LINS1: variants seen among roughly 807,000 people sequenced by gnomAD.
LINS1 encodes protein Lines homolog 1.
In LINS1, 27 loss-of-function variants were observed where a neutral mutation model predicts 41.6. The ratio of observed to expected loss-of-function variants is 0.65; its 90% CI spans 0.48 to 0.89. The LOEUF (loss-of-function observed/expected upper bound fraction) is 0.89, where lower values mean the gene tolerates loss of function less well. Among genes scored for constraint, LINS1 ranks in the 40% least tolerant of loss-of-function variants. LINS1 has a pLI of 0.00. For synonymous variants in LINS1, 336 were observed against 312.9 expected (o/e 1.07, Z -0.78); for missense variants, 955 against 884.1 (o/e 1.08, Z -1.02).
At chr15:100,581,047 G>T (rs2038518404) in intron 1 of LINS1, 102 bp from the exon 2 acceptor site, 1 of 499,224 alleles carries the variant, frequency 2.0e-6, no homozygotes. Flanking sequence ...AGTTAAAGGG[G>T]ATGCTGACTG....
At chr15:100,579,832 A>G (rs1249928588) in intron 3 of LINS1, among the ~76,000 whole-genome samples, 1 of 152,174 alleles carries the variant, frequency 6.6e-6, no homozygotes. Context: ...GGGTCCACCT[A>G]CTAGTTCGAG....
intron 1 of LINS1, among the ~76,000 whole-genome samples, chr15:100,596,501 T>C (rs2039251041): frequency 6.6e-6 from 1 of 152,246 alleles, no homozygotes; most frequent in African/African-American, 2.4e-5. Context: ...AAAGACTTAA[T>C]GCTTAAATGC....
chr15:100,573,885 C>T lies in LINS1; in HGVS notation c.988G>A (p.Val330Ile), dbSNP rs760443699. 1 of 1,614,262 alleles carries T rather than the reference C, an allele frequency of 6.2e-7. No homozygotes were observed. The highest frequency in any genetic ancestry group is 8.5e-7 in the Non-Finnish European group (1 of 1,180,046). Reference protein sequence around the residue: ...VPALMPPDHHVAVDMLALANA... With the variant: ...VPALMPPDHHIAVDMLALANA... ...GCTAAAGCCAGCATGTCCACCGCTA[C>T]ATGATGGTCTGGCGGCATTAAGGCA... is the stretch of plus-strand genomic sequence containing the variant. The change falls in exon 5 of 7, where the codon GTA (valine) becomes ATA (isoleucine). Residue 330 changes from valine (V) to isoleucine (I), a missense_variant. By Grantham distance (29) the Val-to-Ile change is conservative (BLOSUM62 3). Coordinates refer to ENST00000314742, the MANE Select transcript of LINS1 (RefSeq NM_001040616.3).
At chr15:100,594,546 A>G (rs1307607102) in intron 1 of LINS1, among the ~76,000 whole-genome samples, 2 of 152,206 alleles carry the variant, frequency 1.3e-5, no homozygotes, top group African/African-American at 4.8e-5. Flanking sequence ...ACAGATGCCC[A>G]AGTCCCATAT....
rs571344435 is a variant in LINS1, at chr15:100,592,156, G to A, written c.-104+9965C>T. 1.6e-3 allele frequency among the ~76,000 whole-genome samples: 238 copies of A among 152,304 alleles called. 3 individuals are homozygous for A. The highest frequency in any genetic ancestry group is 0.01 in the Middle Eastern group (3 of 294). Reference sequence around the variant, plus strand: ...TGTAAACCTCAGAAAATTCTGTAACGGGGCTCTTGAGCCCCTATGCTTGGC... The same window carrying A: ...TGTAAACCTCAGAAAATTCTGTAACAGGGCTCTTGAGCCCCTATGCTTGGC... On this transcript the variant is annotated intron_variant, in intron 1 of 6. Transcript: ENST00000314742.
In LINS1 at chr15:100,580,292, A is replaced by G. The variant is rs145762498; in HGVS notation, c.460T>C (p.Leu154=). 6.1e-5 allele frequency: 99 copies of G among 1,611,792 alleles called. No homozygotes were observed. The African/African-American group carries it at 1.2e-3, about 20-fold the overall frequency. The change falls in exon 3 of 7, where the codon TTG becomes CTG. Residue 154 remains leucine, a synonymous_variant. Coordinates refer to ENST00000314742, the MANE Select transcript of LINS1 (RefSeq NM_001040616.3). ...TCTCTCAATTGGAAATATAGAAGCA[A>G]TGCAAGGCACTGTGCAGCCATGTGA... ...LSHMAAQCLA[L]LLYFQLREKI... is the part of the protein sequence containing the mutation.
In LINS1 at chr15:100,571,912, A is replaced by C. The variant is rs770363148; in HGVS notation, c.1376T>G (p.Ile459Ser). ...CACTAACCTGGTCAGTGTTAAGTAG[A>C]TGCCCAGTGATGCCTTGGCAGCCTC... ...MLEAAKASLG[I>S]YLTLTRGCEA... The change falls in exon 6 of 7, where the codon ATC becomes AGC. Residue 459 changes from isoleucine (I) to serine (S), a missense_variant. Transcript: ENST00000314742. The C allele has an allele frequency of 1.9e-6, 3 of 1,614,224 alleles. No homozygotes were observed. Among genetic ancestry groups the C allele is most frequent in the Non-Finnish European group, 2.5e-6 (3 of 1,180,038 alleles).
At chr15:100,578,349 C>T (rs1205737518) in intron 3 of LINS1, among the ~76,000 whole-genome samples, 1 of 152,092 alleles carries the variant, frequency 6.6e-6, no homozygotes, top group East Asian at 1.9e-4. Context: ...ACAACCTCAT[C>T]AAAAAGTGGG....
chr15:100,598,120 C>T (rs1161458868), intron 1 of LINS1, among the ~76,000 whole-genome samples: 3 of 152,174 alleles, frequency 2.0e-5, no homozygotes, highest in East Asian at 3.9e-4. Flanking sequence ...TGTCTTCCAG[C>T]TCTGGTGCCC....
chr15:100,589,347 T>C (rs1177298529), intron 1 of LINS1, among the ~76,000 whole-genome samples: 2 of 152,224 alleles, frequency 1.3e-5, no homozygotes, highest in Non-Finnish European at 2.9e-5. Context: ...AAAATACTTT[T>C]TGTCAGATTT....
At chr15:100,597,321 C>T (rs767871896) in intron 1 of LINS1, among the ~76,000 whole-genome samples, 18 of 150,698 alleles carry the variant, frequency 1.2e-4, no homozygotes, top group African/African-American at 2.9e-4. Context: ...AGAATCATAA[C>T]GTGTTCATAC....
chr15:100,571,829 C>T (rs889564280), intron 6 of LINS1, 65 bp downstream of exon 6: 4 of 1,576,792 alleles, frequency 2.5e-6, no homozygotes, highest in Admixed American at 3.3e-5. Context: ...CCAGCACATT[C>T]TCAGAAATGT....
intron 1 of LINS1, among the ~76,000 whole-genome samples, chr15:100,597,334 G>GA (rs1242641233): frequency 1.3e-5 from 2 of 150,198 alleles, no homozygotes; most frequent in African/African-American, 2.5e-5. Context: ...GTTCATACTA[G>GA]AAAAAATCTC....
At position 100,573,687 on chromosome 15, in the gene LINS1, T is replaced by G. The variant is rs773371335; in HGVS notation, c.1186A>C (p.Lys396Gln). Residue 396 changes from lysine to glutamine, a missense_variant, in exon 5 of 7, where the codon AAG becomes CAG. Physicochemically the swap from Lys to Gln is moderately conservative, Grantham distance 53. Transcript: ENST00000314742. ...SLVIMKSLEI[K>Q]FQNYSSASEV... ...CTTGCTGAAGAATAATTTTGAAACT[T>G]GATTTCTAAGGATTTCATTATAACT... The G allele has an allele frequency of 6.2e-7, 1 of 1,610,264 alleles. No individual in the cohort carries two copies.
At position 100,568,273 on chromosome 15, in the gene LINS1, G is replaced by A. The variant is rs1284016923; in HGVS notation, c.*965C>T. ...TGTGTAAATACCCCAGAAGGAAATA[G>A]TAACTGTATTTGGTTAGTGACTCTC... On this transcript the variant is annotated 3_prime_UTR_variant, in exon 7 of 7. Transcript: ENST00000314742. 1.3e-5 allele frequency: 2 copies of A among 152,172 alleles called. No homozygotes were observed. Among genetic ancestry groups the A allele is most frequent in the Non-Finnish European group, 2.9e-5 (2 of 68,044 alleles). The allele number at this position is 152,172 out of a possible 1,614,324, so 9.4% of individuals were successfully genotyped here.
At chr15:100,596,613 C>T (rs1289297083) in intron 1 of LINS1, among the ~76,000 whole-genome samples, 1 of 152,178 alleles carries the variant, frequency 6.6e-6, no homozygotes, top group Non-Finnish European at 1.5e-5. Context: ...GCAAGGTTTC[C>T]CTTTTAATAA....
intron 1 of LINS1, 143 bp from the exon 2 acceptor site, chr15:100,581,088 G>C (rs2038520492): frequency 4.4e-6 from 2 of 450,944 alleles, no homozygotes; most frequent in African/African-American, 2.0e-5. Flanking sequence ...ATTGTAACAG[G>C]AACATTATTT....
chr15:100,576,106 T>A (rs951663194), intron 3 of LINS1, among the ~76,000 whole-genome samples: 2 of 151,858 alleles, frequency 1.3e-5, no homozygotes, highest in Non-Finnish European at 2.9e-5. Context: ...AACATCACAA[T>A]TAAAAGAACT....
At chr15:100,583,375 C>G (rs988853649) in intron 1 of LINS1, among the ~76,000 whole-genome samples, 1 of 152,256 alleles carries the variant, frequency 6.6e-6, no homozygotes, top group East Asian at 1.9e-4. Context: ...CAACACAAAG[C>G]TGCCCTGTTT....
Sources: gnomAD v4.1 joint callset for allele counts (sites outside exome capture counted in the v4.1 genomes callset) on GRCh38, gnomAD v4.1.1 for gene constraint, MANE v1.5 for transcripts, NCBI Gene and HGNC (gene_info 2026-07-23, HGNC 2026-07-21) for gene names.